The following MROH2A variants were observed in gnomAD, a reference collection of about 807,000 sequenced individuals.
MROH2A encodes maestro heat like repeat family member 2A, also known as maestro heat-like repeat-containing protein family member 2A.
Under a neutral mutation model 200.4 loss-of-function variants are expected in MROH2A, and 174 were observed. The ratio of observed to expected loss-of-function variants is 0.87; its 90% CI spans 0.77 to 0.98. MROH2A has a LOEUF of 0.98. MROH2A is among the 50% of genes least tolerant of loss of function. The probability of loss-of-function intolerance (pLI) is 0.00; values close to 1 mark genes in which losing one functional copy is unlikely to be tolerated. For missense variants in MROH2A, 2,045 were observed against 2,139.6 expected (o/e 0.96, Z 0.87); for synonymous variants, 829 against 840.4 (o/e 0.99, Z 0.23).
intron 25 of MROH2A, 55 bp from the exon 26 acceptor site, chr2:233,814,527 G>C (rs1201618587): frequency 3.8e-6 from 5 of 1,305,476 alleles, no homozygotes; most frequent in Middle Eastern, 3.6e-4. Flanking sequence ...CTGCAGGGAG[G>C]GGGGTTGTGG....
At chr2:233,775,768 T>G (rs1469350866), upstream of MROH2A, 3 of 152,258 alleles carry the variant, frequency 2.0e-5, no homozygotes, top group African/African-American at 7.2e-5. Context: ...GTGAGTCATA[T>G]GGTTTGGCTG....
At position 233,829,723 on chromosome 2, in the gene MROH2A, C is replaced by G. The variant is rs2124924343; in HGVS notation, c.4550C>G (p.Ala1517Gly). 1 of 1,487,292 alleles carries G rather than the reference C, an allele frequency of 6.7e-7. No homozygotes were observed. Among genetic ancestry groups the G allele is most frequent in the Non-Finnish European group, 9.0e-7 (1 of 1,115,644 alleles). The allele number at this position is 1,487,292 out of a possible 1,614,324, so 92.1% of individuals were successfully genotyped here. The change falls in exon 38 of 42, where the codon GCC becomes GGC. Residue 1517 changes from alanine to glycine, a missense_variant. Around this residue, in one of 3 missense-constraint regions of MROH2A, gnomAD observed 1,201 missense variants for 1,311.3 expected, o/e 0.92. Coordinates refer to ENST00000389758, the MANE Select transcript of MROH2A (RefSeq NM_001394639.1). ...TTCTTCAAAGGGGAGGTGAAGAAGG[C>G]CTGGATCCCCCTCATGCTGCACTCC... ...KHFFKGEVKK[A>G]WIPLMLHSQD... is the part of the protein sequence containing the mutation.
At position 233,807,148 on chromosome 2, in the gene MROH2A, T is replaced by TTATA. The variant is rs61609563; in HGVS notation, c.2053-264_2053-261dup. On this transcript the variant is annotated intron_variant, in intron 19 of 41. Coordinates refer to ENST00000389758, the MANE Select transcript of MROH2A (RefSeq NM_001394639.1). This position sits in a 1 kb window ranked among gnomAD's most constrained non-coding sequence, Gnocchi z 4.3. ...TTTTTTGTGGCTGAGTAGTATTCCA[T>TTATA]TATATATATATATAATATGAACTGA... is the stretch of plus-strand genomic sequence containing the variant. Among the ~76,000 whole-genome samples, 425 of 150,134 alleles carry TTATA rather than the reference T, an allele frequency of 2.8e-3. 1 individual carries two copies. Among genetic ancestry groups the TTATA allele is most frequent in the East Asian group, 8.6e-3 (44 of 5,108 alleles).
In MROH2A at chr2:233,806,526, C is replaced by T. The variant is rs570426667; in HGVS notation, c.2053-897C>T. On this transcript the variant is annotated intron_variant, in intron 19 of 41. Coordinates refer to ENST00000389758, the MANE Select transcript of MROH2A (RefSeq NM_001394639.1). ...TAGCCAGAAATTCAAAGAATTAAAA[C>T]GGATCATGAGAATATGAAAAGATGA... 1.1e-3 allele frequency among the ~76,000 whole-genome samples: 174 copies of T among 152,144 alleles called. 2 individuals carry two copies. The highest frequency in any genetic ancestry group is 3.8e-3 in the African/African-American group (158 of 41,516).
At position 233,833,380 on chromosome 2, in the gene MROH2A, T is replaced by C; in HGVS notation, c.*121T>C. ...TATTGTAAAATAACTAGTATCCTTT[T>C]GTTTCCTTCCGTTGAAATAAACCTC... On this transcript the variant is annotated 3_prime_UTR_variant, in exon 42 of 42. Transcript: ENST00000389758. 2 of 1,140,734 alleles carry C rather than the reference T, an allele frequency of 1.8e-6. No homozygotes were observed. The highest frequency in any genetic ancestry group is 2.9e-5 in the East Asian group (1 of 35,072). The allele number at this position is 1,140,734 out of a possible 1,614,324, so 70.7% of individuals were successfully genotyped here.
Position 233,819,886 on chromosome 2 carries a change from C to T in MROH2A, c.3358-16C>T. ...GGGCCTGGGCTGCCCCCCGGTGATGCCCCATCCCTACCTAGGTGGCCGAGA... is the reference window on the plus strand; with the variant it reads ...GGGCCTGGGCTGCCCCCCGGTGATGTCCCATCCCTACCTAGGTGGCCGAGA... On this transcript the variant is annotated splice_polypyrimidine_tract_variant and intron_variant, in intron 30 of 41. Transcript: ENST00000389758. The T allele has an allele frequency of 6.7e-7, 1 of 1,494,470 alleles. No individual in the cohort carries two copies. Among genetic ancestry groups the T allele is most frequent in the Non-Finnish European group, 9.0e-7 (1 of 1,113,226 alleles). The allele number at this position is 1,494,470 out of a possible 1,614,324, so 92.6% of individuals were successfully genotyped here. A position where few individuals can be genotyped will look rare whatever the true frequency, so the allele number is the denominator to read the frequency against.
upstream of MROH2A, among the ~76,000 whole-genome samples, chr2:233,776,927 T>A (rs1257202461): frequency 6.6e-6 from 1 of 152,198 alleles, no homozygotes; most frequent in Non-Finnish European, 1.5e-5. Flanking sequence ...CTCAGAACCC[T>A]GTCCAGCTGC....
At chr2:233,788,382 T>G (rs1316867570) in intron 3 of MROH2A, among the ~76,000 whole-genome samples, 1 of 150,960 alleles carries the variant, frequency 6.6e-6, no homozygotes, top group Non-Finnish European at 1.5e-5. Flanking sequence ...GGAGCTGTCA[T>G]AGGGATTTCT....
intron 41 of MROH2A, 80 bp downstream of exon 41, chr2:233,832,724 A>G: frequency 1.2e-6 from 1 of 860,070 alleles, no homozygotes; most frequent in Non-Finnish European, 1.8e-6. Context: ...GCTTCAAGGG[A>G]AGAGCCAGAG....
At chr2:233,793,033 T>C in intron 6 of MROH2A, 139 bp downstream of exon 6, 1 of 855,048 alleles carries the variant, frequency 1.2e-6, no homozygotes, top group South Asian at 1.8e-5. Context: ...GCTTAATCTT[T>C]TACTTCGTGT....
At chr2:233,825,669 C>T (rs988704290) in intron 35 of MROH2A, among the ~76,000 whole-genome samples, 3 of 152,194 alleles carry the variant, frequency 2.0e-5, no homozygotes, top group African/African-American at 7.2e-5. Context: ...ATGAAGGCTA[C>T]TTGATCGTGG....
In MROH2A at chr2:233,810,555, G is replaced by A. The variant is rs150529000; in HGVS notation, c.2449-239G>A. ...TGGGGACACAGCCAAACTATATCAC[G>A]TGTGGACCCAGGTGCTGCACCTCAC... On this transcript the variant is annotated intron_variant, in intron 22 of 41. Coordinates refer to ENST00000389758, the MANE Select transcript of MROH2A (RefSeq NM_001394639.1). Among the ~76,000 whole-genome samples the A allele has an allele frequency of 3.2e-3, 493 of 152,334 alleles. 5 individuals are homozygous for A. The highest frequency in any genetic ancestry group is 0.011 in the African/African-American group (462 of 41,570).
rs2124934215 is a variant in MROH2A at position 233,831,534 on chromosome 2, C to T, written c.4728C>T (p.Ser1576=). 1 of 1,549,496 alleles carries T rather than the reference C, an allele frequency of 6.5e-7. No individual in the cohort carries two copies. The highest frequency in any genetic ancestry group is 2.4e-5 in the East Asian group (1 of 40,852). The part of the protein sequence containing the change: ...KMTVFQTTMC[S]ILTRKKPAVL... ...CCGTTTTCCAGACAACCATGTGCTC[C>T]ATCCTGGTGAGGAAGCCAAAGGGGG... The change falls in exon 39 of 42, where the codon TCC becomes TCT. Residue 1576 remains serine (S), a synonymous_variant. Coordinates refer to ENST00000389758, the MANE Select transcript of MROH2A (RefSeq NM_001394639.1).
chr2:233,779,895 G>T, intron 3 of MROH2A, 43 bp downstream of exon 3: 1 of 1,474,602 alleles, frequency 6.8e-7, no homozygotes, highest in Non-Finnish European at 9.2e-7. Context: ...CTTTAGCTCT[G>T]TGTGCATCCA....
At chr2:233,792,722 G>C (rs1006981313) in intron 5 of MROH2A, 74 bp from the exon 6 acceptor site, 5 of 920,302 alleles carry the variant, frequency 5.4e-6, no homozygotes, top group Non-Finnish European at 8.6e-6. Flanking sequence ...GAGGGCAGCA[G>C]GGTTGTCCTC....
intron 12 of MROH2A, 62 bp from the exon 13 acceptor site, chr2:233,799,718 C>G (rs1575945960): frequency 6.5e-7 from 1 of 1,543,246 alleles, no homozygotes; most frequent in Non-Finnish European, 8.7e-7. Context: ...CTCTATGTCA[C>G]AGGATTGGGT....
Position 233,799,881 on chromosome 2 carries a change from C to T in MROH2A, c.1431C>T (p.Thr477=), listed in dbSNP as rs1404398202. The change falls in exon 13 of 42, where the codon ACC becomes ACT. Residue 477 remains threonine (T), a synonymous_variant. Coordinates refer to ENST00000389758, the MANE Select transcript of MROH2A (RefSeq NM_001394639.1). ...TGAAGTACCTGTCTGTGCAGCTGAC[C>T]TTATCCACCTACAAACTGGTGAGTG... ...WGLKYLSVQL[T]LSTYKLTNRR... is the part of the protein sequence containing the mutation. 6.4e-7 allele frequency: 1 copy of T among 1,550,536 alleles called. No individual in the cohort carries two copies. The highest frequency in any genetic ancestry group is 8.7e-7 in the Non-Finnish European group (1 of 1,146,994).
At chr2:233,804,970 T>A (rs1442897628) in intron 18 of MROH2A, 34 bp from the exon 19 acceptor site, 2 of 1,343,428 alleles carry the variant, frequency 1.5e-6, no homozygotes, top group East Asian at 5.0e-5. Flanking sequence ...TGAAGGCCTT[T>A]GGCCCTTCTC....
chr2:233,792,882 G>A lies in MROH2A; in HGVS notation c.658G>A (p.Ala220Thr), dbSNP rs541544695. 1.0e-5 allele frequency: 16 copies of A among 1,550,520 alleles called. No homozygotes were observed. The African/African-American group carries it at 1.9e-4, about 19-fold the overall frequency. Reference sequence around the variant, plus strand: ...TGCCAATGAAGCCAAGATACGCCAGGCGATCTGCAGTGGTGAGTGTCCCAC... The same window carrying A: ...TGCCAATGAAGCCAAGATACGCCAGACGATCTGCAGTGGTGAGTGTCCCAC... ...RLANEAKIRQ[A>T]ICSAMETFCE... is the part of the protein sequence containing the mutation. Residue 220 changes from alanine to threonine, a missense_variant, in exon 6 of 42, where the codon GCG becomes ACG. Coordinates refer to ENST00000389758, the MANE Select transcript of MROH2A (RefSeq NM_001394639.1).
Sources: gnomAD v4.1 joint callset for allele counts (sites outside exome capture counted in the v4.1 genomes callset) on GRCh38, gnomAD v4.1.1 for gene constraint, gnomAD v4.1.1 regional missense constraint, Gnocchi (gnomAD v3.1) non-coding constraint, MANE v1.5 for transcripts, NCBI Gene and HGNC (gene_info 2026-07-23, HGNC 2026-07-21) for gene names.